SMCO2: variants seen among roughly 807,000 people sequenced by gnomAD.
The protein encoded by SMCO2 is single-pass membrane and coiled-coil domain-containing protein 2.
SMCO2 carries 25 observed loss-of-function variants against 29.5 expected under a neutral mutation model. The ratio of observed to expected loss-of-function variants is 0.85; its 90% CI spans 0.62 to 1.18. The LOEUF (loss-of-function observed/expected upper bound fraction) is 1.18, where lower values mean the gene tolerates loss of function less well. Ranked by LOEUF, SMCO2 falls within the 50% of genes most tolerant of loss-of-function variation. The pLI, the probability that SMCO2 is intolerant of heterozygous loss-of-function variation, is 0.00. For synonymous variants in SMCO2, 117 were observed against 123.3 expected, an observed-to-expected ratio of 0.95 and a Z score of 0.34; for missense variants, 348 against 344.5, an observed-to-expected ratio of 1.01 and a Z score of -0.08.
intron 6 of SMCO2, 151 bp from the exon 8 acceptor site, chr12:27,495,529 C>T (rs1224393472): frequency 1.7e-6 from 1 of 590,160 alleles, no homozygotes; most frequent in Non-Finnish European, 2.6e-6. Context: ...ATTCAAGATG[C>T]ACCTGCCAAT....
exon 5 of SMCO2, chr12:27,488,466 A>T (rs1241924577): frequency 1.3e-6 from 2 of 1,531,154 alleles, no homozygotes; most frequent in Non-Finnish European, 1.8e-6. Flanking sequence ...GCAGCTTATT[A>T]AAAGACATGC....
chr12:27,433,544 TATATC>T, the SMCO2 span, among the ~76,000 whole-genome samples: 3 of 131,236 alleles, frequency 2.3e-5, no homozygotes, highest in South Asian at 2.5e-4. Flanking sequence ...CACACACACA[TATATC>T]ATATTCTCAA....
At chr12:27,465,114 C>T (rs368907169), upstream of SMCO2, among the ~76,000 whole-genome samples, 4 of 151,170 alleles carry the variant, frequency 2.6e-5, no homozygotes, top group East Asian at 3.9e-4. Context: ...CCTGTGAGAA[C>T]CCAGTACGCG....
chr12:27,451,320 G>T, the SMCO2 span, among the ~76,000 whole-genome samples: 4 of 152,052 alleles, frequency 2.6e-5, no homozygotes, highest in Admixed American at 6.5e-5. Flanking sequence ...CTGACATTGT[G>T]GGGAGAGGGG....
exon 7 of SMCO2, chr12:27,495,717 T>C: frequency 1.3e-6 from 2 of 1,530,624 alleles, no homozygotes; most frequent in Non-Finnish European, 1.8e-6. Flanking sequence ...AGTGCAAAGC[T>C]AAGGATGTAT....
At chr12:27,475,268 C>T (rs2135550101) in intron 4 of SMCO2, among the ~76,000 whole-genome samples, 1 of 152,244 alleles carries the variant, frequency 6.6e-6, no homozygotes, top group South Asian at 2.1e-4. Flanking sequence ...TATACCTCTC[C>T]TCCCCCAGAA....
At chr12:27,447,547 C>T in the SMCO2 span, among the ~76,000 whole-genome samples, 3 of 152,072 alleles carry the variant, frequency 2.0e-5, no homozygotes, top group East Asian at 5.8e-4. Context: ...CGCTTCAGCC[C>T]AGGAGCCTGA....
At chr12:27,435,303 G>GCCCC in the SMCO2 span, among the ~76,000 whole-genome samples, 3 of 2,910 alleles carry the variant, frequency 1.0e-3, no homozygotes, top group African/African-American at 1.7e-3. Context: ...CCCCCCCCCC[G>GCCCC]GCAATTGTGA....
chr12:27,498,557 A>G (rs751694569), intron 7 of SMCO2: 1 of 234,764 alleles, frequency 4.3e-6, no homozygotes, highest in Non-Finnish European at 8.9e-6. Flanking sequence ...TGAGGAGTTC[A>G]ATATCCCGGG....
chr12:27,495,880 AG>A, intron 7 of SMCO2, 25 bp downstream of exon 8: 1 of 1,403,524 alleles, frequency 7.1e-7, no homozygotes, highest in Non-Finnish European at 9.5e-7. Context: ...GAGGCCATTC[AG>A]GGCTGGATGA....
chr12:27,487,726 G>A (rs1321350630), intron 4 of SMCO2, among the ~76,000 whole-genome samples: 1 of 150,362 alleles, frequency 6.7e-6, no homozygotes, highest in African/African-American at 2.4e-5. Flanking sequence ...ACTAGCATTT[G>A]GTGTTATCAC....
At chr12:27,435,463 C>T in the SMCO2 span, among the ~76,000 whole-genome samples, 1 of 151,054 alleles carries the variant, frequency 6.6e-6, no homozygotes, top group Non-Finnish European at 1.5e-5. Context: ...AAAACATTCT[C>T]CTGTTTGTTC....
At chr12:27,454,516 T>C in the SMCO2 span, among the ~76,000 whole-genome samples, 10 of 152,240 alleles carry the variant, frequency 6.6e-5, no homozygotes, top group African/African-American at 2.2e-4. Flanking sequence ...TTTACCTGCC[T>C]TTTCTGTGGT....
chr12:27,501,933 C>T (rs879098800), exon 8 of SMCO2: 10 of 1,538,510 alleles, frequency 6.5e-6, no homozygotes. Context: ...GAAACGTGCA[C>T]TGAGGATTTT....
chr12:27,490,490 A>C (rs1316737389), intron 5 of SMCO2, among the ~76,000 whole-genome samples: 3 of 152,240 alleles, frequency 2.0e-5, no homozygotes, highest in Non-Finnish European at 2.9e-5. Flanking sequence ...GTATACTTTA[A>C]AAAGTGAGTT....
intron 7 of SMCO2, among the ~76,000 whole-genome samples, chr12:27,500,843 A>T (rs1314289654): frequency 1.3e-5 from 2 of 150,500 alleles, no homozygotes; most frequent in Non-Finnish European, 2.9e-5. Flanking sequence ...AATGGCGAGA[A>T]ACTTGGCTCT....
chr12:27,483,581 G>C (rs1216782126), intron 4 of SMCO2, among the ~76,000 whole-genome samples: 4 of 151,750 alleles, frequency 2.6e-5, no homozygotes, highest in Non-Finnish European at 5.9e-5. Context: ...ATGATGCCCA[G>C]CTAATTTTTG....
chr12:27,428,815 G>A, the SMCO2 span, among the ~76,000 whole-genome samples: 2 of 61,592 alleles, frequency 3.2e-5, no homozygotes, highest in Non-Finnish European at 6.8e-5. Flanking sequence ...TGAAATAAAT[G>A]TACTTTTTTT....
the SMCO2 span, among the ~76,000 whole-genome samples, chr12:27,452,651 A>G: frequency 1.3e-5 from 2 of 152,118 alleles, no homozygotes; most frequent in Non-Finnish European, 2.9e-5. Flanking sequence ...CACCACACTC[A>G]GCTAATGTTT....
Sources: allele counts gnomAD v4.1 joint callset (sites outside exome capture counted in the v4.1 genomes callset), GRCh38; gene constraint gnomAD v4.1.1; transcripts MANE v1.5; gene names NCBI Gene and HGNC (gene_info 2026-07-23, HGNC 2026-07-21).